ARHGAP42: variants seen among roughly 807,000 people sequenced by gnomAD.
ARHGAP42 encodes the protein Rho GTPase activating protein 42.
In ARHGAP42, 63 loss-of-function variants were observed where a neutral mutation model predicts 125.0. That is an observed-to-expected ratio of 0.50 (90% CI 0.41 to 0.62). The LOEUF (loss-of-function observed/expected upper bound fraction) is 0.62. Ranked by LOEUF, ARHGAP42 falls within the 20% of genes least tolerant of loss-of-function variation. ARHGAP42 has a pLI of 0.00. For synonymous variants in ARHGAP42, 339 were observed against 351.0 expected (o/e 0.97, Z 0.38); for missense variants, 766 against 1,024.2 (o/e 0.75, Z 3.44).
chr11:100,915,581 C>T (rs1234854504), intron 5 of ARHGAP42, among the ~76,000 whole-genome samples: 1 of 152,098 alleles, frequency 6.6e-6, no homozygotes, highest in Non-Finnish European at 1.5e-5. Context: ...GAGAATATAC[C>T]TCAATTTTTC....
At chr11:100,875,761 C>CGG (rs66825732) in intron 4 of ARHGAP42, among the ~76,000 whole-genome samples, 33,738 of 151,694 alleles carry the variant, frequency 0.22, 3,878 homozygotes, top group Non-Finnish European at 0.25. Flanking sequence ...TCCAGGGTGG[C>CGG]GGGGGGTGAC....
chr11:100,825,312 C>T (rs1020422814), intron 3 of ARHGAP42, among the ~76,000 whole-genome samples: 6 of 152,104 alleles, frequency 3.9e-5, no homozygotes, highest in Non-Finnish European at 7.4e-5. Flanking sequence ...ACTTCTGTAA[C>T]ATTTTTTATG....
chr11:100,728,713 C>CATATATATAT (rs1861903204), intron 1 of ARHGAP42, among the ~76,000 whole-genome samples: 10 of 95,308 alleles, frequency 1.0e-4, no homozygotes, highest in East Asian at 3.9e-4. Context: ...AATGACTTTG[C>CATATATATAT]GTATATATAT....
chr11:100,757,071 G>A (rs1233978538), intron 1 of ARHGAP42, among the ~76,000 whole-genome samples: 3 of 152,008 alleles, frequency 2.0e-5, no homozygotes, highest in Non-Finnish European at 4.4e-5. Flanking sequence ...TAATACATTG[G>A]CAGTTAAAAT....
In ARHGAP42 at chr11:100,973,283, T is replaced by C; in HGVS notation, c.1659T>C (p.Asn553=). Residue 553 remains asparagine, a synonymous_variant, in exon 18 of 24, where the codon AAT becomes AAC. Transcript: ENST00000298815. ...AAGAAACTGTGGCTGCTATGATGAA[T>C]ATTAAATTTCAGAATATTGTGGTAG... is the stretch of plus-strand genomic sequence containing the variant. ...AQEETVAAMM[N]IKFQNIVVEI... is the part of the protein sequence containing the mutation. 6.4e-7 allele frequency: 1 copy of C among 1,551,022 alleles called. No homozygotes were observed. Among genetic ancestry groups the C allele is most frequent in the Non-Finnish European group, 8.7e-7 (1 of 1,146,684 alleles).
At chr11:100,792,878 G>C (rs893455888) in intron 2 of ARHGAP42, among the ~76,000 whole-genome samples, 4 of 151,548 alleles carry the variant, frequency 2.6e-5, no homozygotes, top group Non-Finnish European at 4.4e-5. Context: ...TCAGCCTCCT[G>C]AGTAGCTGGG....
chr11:100,914,756 CTCCCTT>C (rs1867020857), intron 5 of ARHGAP42, among the ~76,000 whole-genome samples: 1 of 152,154 alleles, frequency 6.6e-6, no homozygotes, highest in Admixed American at 6.5e-5. Context: ...GGAAAACCTC[CTCCCTT>C]CCTGAACTGC....
intron 1 of ARHGAP42, among the ~76,000 whole-genome samples, chr11:100,713,585 A>T (rs1483600002): frequency 6.6e-6 from 1 of 152,240 alleles, no homozygotes; most frequent in African/African-American, 2.4e-5. Flanking sequence ...TGGATTAAGC[A>T]TCATGCTAGG....
chr11:100,858,117 G>GTGTGTGTGTGTGTGTT (rs33909850), intron 3 of ARHGAP42, among the ~76,000 whole-genome samples: 4,606 of 134,512 alleles, frequency 0.034, 90 homozygotes, highest in Non-Finnish European at 0.048. Context: ...GTGTGTGTGT[G>GTGTGTGTGTGTGTGTT]TGTGTGTTTA....
At chr11:100,726,005 G>A (rs1861854896) in intron 1 of ARHGAP42, among the ~76,000 whole-genome samples, 1 of 150,914 alleles carries the variant, frequency 6.6e-6, no homozygotes, top group South Asian at 2.1e-4. Flanking sequence ...GGCTGAGCTG[G>A]GAGGAGCACT....
chr11:100,849,873 T>C (rs2135125759), intron 3 of ARHGAP42, among the ~76,000 whole-genome samples: 1 of 152,310 alleles, frequency 6.6e-6, no homozygotes, highest in Admixed American at 6.5e-5. Flanking sequence ...GTAAGTGTTG[T>C]TCCAGGGAAA....
intron 7 of ARHGAP42, 46 bp from the exon 8 acceptor site, chr11:100,936,157 C>T (rs1167263824): frequency 1.1e-5 from 17 of 1,545,946 alleles, no homozygotes; most frequent in Non-Finnish European, 1.5e-5. Flanking sequence ...GTTGCTGAAA[C>T]TTGGTAGAAA....
intron 3 of ARHGAP42, among the ~76,000 whole-genome samples, chr11:100,805,113 A>G (rs1206698476): frequency 6.6e-6 from 1 of 152,358 alleles, no homozygotes; most frequent in East Asian, 1.9e-4. Context: ...TCAGAAGTGT[A>G]TGCTATTAAT....
At chr11:100,957,302 C>G (rs573620563) in intron 12 of ARHGAP42, among the ~76,000 whole-genome samples, 27 of 151,704 alleles carry the variant, frequency 1.8e-4, no homozygotes, top group African/African-American at 6.5e-4. Flanking sequence ...TAGACAGGAG[C>G]AGATAGGAAA....
chr11:100,838,292 C>T (rs561108547), intron 3 of ARHGAP42, among the ~76,000 whole-genome samples: 1 of 152,196 alleles, frequency 6.6e-6, no homozygotes, highest in South Asian at 2.1e-4. Flanking sequence ...CAAGTTTTCC[C>T]ACTATGGCCT....
chr11:100,906,578 CT>C (rs1331892064), intron 4 of ARHGAP42, among the ~76,000 whole-genome samples: 1 of 55,452 alleles, frequency 1.8e-5, no homozygotes, highest in Non-Finnish European at 3.3e-5. Context: ...AATGTGGAAA[CT>C]TTAAAAAAAA....
chr11:100,745,854 C>T (rs1457948732), intron 1 of ARHGAP42, among the ~76,000 whole-genome samples: 1 of 152,170 alleles, frequency 6.6e-6, no homozygotes, highest in Non-Finnish European at 1.5e-5. Context: ...ATCCAATTTA[C>T]ATTTTATTAA....
intron 1 of ARHGAP42, among the ~76,000 whole-genome samples, chr11:100,716,123 C>T (rs1043519537): frequency 2.0e-5 from 3 of 152,196 alleles, no homozygotes; most frequent in Admixed American, 6.5e-5. Flanking sequence ...GAAACACGTA[C>T]TGTTAGTTTT....
chr11:100,956,311 G>A (rs1940557944), intron 12 of ARHGAP42, among the ~76,000 whole-genome samples: 1 of 152,122 alleles, frequency 6.6e-6, no homozygotes, highest in Admixed American at 6.6e-5. Context: ...AGTAATAGAT[G>A]ATCCTCAAGT....
Sources: allele counts gnomAD v4.1 joint callset (sites outside exome capture counted in the v4.1 genomes callset), GRCh38; gene constraint gnomAD v4.1.1; transcripts MANE v1.5; gene names NCBI Gene and HGNC (gene_info 2026-07-23, HGNC 2026-07-21).